JPH3: variants seen among roughly 807,000 people sequenced by gnomAD.
JPH3 encodes junctophilin-3.
In JPH3, 11 loss-of-function variants were observed where a neutral mutation model predicts 59.6. The observed-to-expected ratio is 0.18, with a 90% CI of 0.12 to 0.31. The LOEUF (loss-of-function observed/expected upper bound fraction) is 0.31. JPH3 is among the 10% of genes least tolerant of loss of function. JPH3 has a pLI of 1.00. For synonymous variants in JPH3, 673 were observed against 483.6 expected (o/e 1.39, Z -5.14); for missense variants, 1,202 against 1,105.7 (o/e 1.09, Z -1.24).
At position 87,644,885 on chromosome 16, in the gene JPH3, A is replaced by G; in HGVS notation, c.1010A>G (p.Lys337Arg). ...TFPDGTKEEG[K>R]YKQNILVGGK... ...CCGGACGGCACCAAGGAGGAGGGCAAGTACAAGCAGAACATCCTCGTCGGC... is the reference window on the plus strand; with the variant it reads ...CCGGACGGCACCAAGGAGGAGGGCAGGTACAAGCAGAACATCCTCGTCGGC... Residue 337 changes from lysine (K) to arginine (R), a missense_variant, in exon 2 of 5, where the codon AAG becomes AGG. Lys to Arg is a conservative substitution (Grantham distance 26). Transcript: ENST00000284262. 1.9e-6 allele frequency: 3 copies of G among 1,613,382 alleles called. No individual in the cohort carries two copies. Among genetic ancestry groups the G allele is most frequent in the Non-Finnish European group, 2.5e-6 (3 of 1,179,910 alleles).
chr16:87,685,515 G>C (rs972139783), intron 3 of JPH3, among the ~76,000 whole-genome samples: 1 of 152,260 alleles, frequency 6.6e-6, no homozygotes, highest in Non-Finnish European at 1.5e-5. Flanking sequence ...GCTGGGAGGC[G>C]GTGGGGCGCA....
intron 1 of JPH3, among the ~76,000 whole-genome samples, chr16:87,632,278 A>G (rs182498450): frequency 3.9e-5 from 6 of 152,320 alleles, no homozygotes; most frequent in Admixed American, 2.0e-4. Flanking sequence ...AAAGACGAAA[A>G]AAAGAGCACT....
chr16:87,633,452 A>C (rs941801375), intron 1 of JPH3, among the ~76,000 whole-genome samples: 6 of 151,680 alleles, frequency 4.0e-5, no homozygotes, highest in Non-Finnish European at 2.9e-5. Flanking sequence ...TCCGGCAGAC[A>C]TAACTATTCA....
chr16:87,636,338 G>T (rs1234326290), intron 1 of JPH3, among the ~76,000 whole-genome samples: 1 of 152,256 alleles, frequency 6.6e-6, no homozygotes, highest in Non-Finnish European at 1.5e-5. Flanking sequence ...CACAGCCAAG[G>T]AACTGAGCCC....
At chr16:87,607,009 A>T (rs1231440523) in intron 1 of JPH3, among the ~76,000 whole-genome samples, 1 of 152,184 alleles carries the variant, frequency 6.6e-6, no homozygotes, top group Non-Finnish European at 1.5e-5. Flanking sequence ...CACTCAGGAC[A>T]GCCATCCCAG....
At chr16:87,659,219 C>G (rs1218317571) in intron 2 of JPH3, among the ~76,000 whole-genome samples, 7 of 151,476 alleles carry the variant, frequency 4.6e-5, no homozygotes, top group Non-Finnish European at 1.0e-4. Flanking sequence ...ACTGAAAATA[C>G]AAAAAAATTC....
chr16:87,669,118 C>G (rs963380437), intron 2 of JPH3, among the ~76,000 whole-genome samples: 1 of 152,214 alleles, frequency 6.6e-6, no homozygotes, highest in African/African-American at 2.4e-5. Flanking sequence ...TCTTGCACCA[C>G]TTTGGATCCT....
At position 87,684,170 on chromosome 16, in the gene JPH3, G is replaced by A; in HGVS notation, c.1189G>A (p.Ala397Thr). The part of the protein sequence containing the change: ...RTSHSRAKAE[A>T]ALTAAQKAQE... ...CTCCCACTCTCGGGCAAAGGCCGAG[G>A]CAGCCCTCACAGCAGCTCAGAAAGC... The change falls in exon 3 of 5, where the codon GCA (alanine) becomes ACA (threonine). Residue 397 changes from alanine to threonine, a missense_variant. Transcript: ENST00000284262. The A allele has an allele frequency of 1.2e-6, 2 of 1,613,756 alleles. No homozygotes were observed. The highest frequency in any genetic ancestry group is 1.7e-6 in the Non-Finnish European group (2 of 1,179,996).
chr16:87,661,255 C>G (rs1421302983), intron 2 of JPH3, among the ~76,000 whole-genome samples: 1 of 152,224 alleles, frequency 6.6e-6, no homozygotes, highest in Non-Finnish European at 1.5e-5. Flanking sequence ...ATCTGATTAT[C>G]CACCCAGATA....
chr16:87,661,846 G>C (rs111311656), intron 2 of JPH3, among the ~76,000 whole-genome samples: 5,155 of 152,278 alleles, frequency 0.034, 288 homozygotes, highest in African/African-American at 0.12. Context: ...CCCCAATTAC[G>C]AAGCCAGGGC....
intron 2 of JPH3, among the ~76,000 whole-genome samples, chr16:87,663,965 C>G (rs931653203): frequency 6.6e-6 from 1 of 152,164 alleles, no homozygotes; most frequent in East Asian, 1.9e-4. Context: ...GTGGTGGAAT[C>G]GACTCTTCTG....
intron 1 of JPH3, among the ~76,000 whole-genome samples, chr16:87,618,379 G>T (rs1567584102): frequency 6.6e-6 from 1 of 152,144 alleles, no homozygotes; most frequent in Non-Finnish European, 1.5e-5. Flanking sequence ...AGGAGCAAAG[G>T]CAGGATGAGG....
intron 1 of JPH3, among the ~76,000 whole-genome samples, chr16:87,623,660 T>C (rs538688088): frequency 4.6e-5 from 7 of 152,198 alleles, no homozygotes; most frequent in Non-Finnish European, 7.3e-5. Context: ...CTCACTCTCC[T>C]CCTTCGGAGC....
At chr16:87,606,639 C>G (rs1287554186) in intron 1 of JPH3, among the ~76,000 whole-genome samples, 1 of 152,200 alleles carries the variant, frequency 6.6e-6, no homozygotes, top group Non-Finnish European at 1.5e-5. Flanking sequence ...AGGTTGATAA[C>G]AATACCTGTA....
intron 1 of JPH3, among the ~76,000 whole-genome samples, chr16:87,621,601 A>G (rs1015169042): frequency 3.3e-5 from 5 of 152,234 alleles, no homozygotes; most frequent in Admixed American, 2.6e-4. Context: ...ATTGCTGTGC[A>G]AACACCCGGG....
At chr16:87,663,786 G>A (rs749745995) in intron 2 of JPH3, among the ~76,000 whole-genome samples, 4 of 152,302 alleles carry the variant, frequency 2.6e-5, no homozygotes, top group East Asian at 1.9e-4. Flanking sequence ...CCCAAGTGCC[G>A]TGTTAATGTG....
chr16:87,637,910 T>C (rs543132269), intron 1 of JPH3, among the ~76,000 whole-genome samples: 217 of 152,198 alleles, frequency 1.4e-3, no homozygotes, highest in African/African-American at 4.8e-3. Flanking sequence ...TTTGTGTTTT[T>C]CTTTAAAAAA....
intron 1 of JPH3, among the ~76,000 whole-genome samples, chr16:87,633,377 G>A (rs2031626709): frequency 6.6e-6 from 1 of 151,418 alleles, no homozygotes; most frequent in Non-Finnish European, 1.5e-5. Context: ...AGGATGCCGG[G>A]GGTGGGGGTG....
At chr16:87,603,614 C>T in intron 1 of JPH3, 86 bp downstream of exon 1, 1 of 1,446,488 alleles carries the variant, frequency 6.9e-7, no homozygotes, top group Non-Finnish European at 9.2e-7. Flanking sequence ...GGAAGTTGAG[C>T]TGCGTCCTCC....
Sources: gnomAD v4.1 joint callset for allele counts (sites outside exome capture counted in the v4.1 genomes callset) on GRCh38, gnomAD v4.1.1 for gene constraint, MANE v1.5 for transcripts, NCBI Gene and HGNC (gene_info 2026-07-23, HGNC 2026-07-21) for gene names.